NCALD: variants seen among roughly 807,000 people sequenced by gnomAD.
The protein encoded by NCALD is neurocalcin delta, also known as neurocalcin-delta.
In NCALD, 10 loss-of-function variants were observed where a neutral mutation model predicts 18.6. The observed-to-expected ratio is 0.54, with a 90% CI of 0.33 to 0.91. The LOEUF (loss-of-function observed/expected upper bound fraction) is 0.91, where lower values mean the gene tolerates loss of function less well. Ranked by LOEUF, NCALD falls within the 40% of genes least tolerant of loss-of-function variation. The pLI, the probability that NCALD is intolerant of heterozygous loss-of-function variation, is 0.03. For synonymous variants in NCALD, 88 were observed against 87.4 expected (o/e 1.01, Z -0.04); for missense variants, 184 against 247.6 (o/e 0.74, Z 1.72).
chr8:101,772,136 T>C (rs1461209171), intron 1 of NCALD, among the ~76,000 whole-genome samples: 2 of 152,104 alleles, frequency 1.3e-5, no homozygotes, highest in African/African-American at 4.8e-5. Flanking sequence ...ACTGTAGGAG[T>C]TGGGGATTCT....
chr8:101,761,935 T>A (rs982607116), intron 1 of NCALD, among the ~76,000 whole-genome samples: 6 of 152,158 alleles, frequency 3.9e-5, no homozygotes, highest in Non-Finnish European at 8.8e-5. Context: ...TAATCCAAAT[T>A]CCACTATCTG....
chr8:102,067,128 G>A (rs1019231778), intron 1 of NCALD, among the ~76,000 whole-genome samples: 2 of 152,136 alleles, frequency 1.3e-5, no homozygotes, highest in Non-Finnish European at 1.5e-5. Context: ...CTCCAATAGA[G>A]TCCCCCAAAC....
At chr8:101,918,740 C>CCACACACACACACA (rs34480976) in intron 2 of NCALD, among the ~76,000 whole-genome samples, 158 of 140,750 alleles carry the variant, frequency 1.1e-3, no homozygotes, top group Middle Eastern at 3.5e-3. Context: ...TTTACAATAG[C>CCACACACACACACA]CACACACACA....
chr8:101,957,531 A>G (rs1462584538), intron 2 of NCALD, among the ~76,000 whole-genome samples: 4 of 152,084 alleles, frequency 2.6e-5, no homozygotes, highest in Admixed American at 2.6e-4. Context: ...ATGAATCAGG[A>G]TGTGTCTTGG....
intron 1 of NCALD, among the ~76,000 whole-genome samples, chr8:102,090,869 G>T (rs539678506): frequency 6.6e-6 from 1 of 152,174 alleles, no homozygotes; most frequent in South Asian, 2.1e-4. Context: ...TTACCAAGGC[G>T]TTGTCTGGAA....
At position 102,049,751 on chromosome 8, in the gene NCALD, G is replaced by A. The variant is rs181874532; in HGVS notation, c.-209-29462C>T. Among the ~76,000 whole-genome samples the A allele has an allele frequency of 3.5e-3, 532 of 152,268 alleles. 6 individuals are homozygous for A. The highest frequency in any genetic ancestry group is 0.019 in the South Asian group (92 of 4,828). On this transcript the variant is annotated intron_variant, in intron 1 of 6. Transcript: ENST00000311028. ...TGTAGATGTGCAGTGGTATCTCATTGCTGTTTTAATCTACAGTCCCTAATG... is the reference window on the plus strand; with the variant it reads ...TGTAGATGTGCAGTGGTATCTCATTACTGTTTTAATCTACAGTCCCTAATG...
chr8:101,825,055 C>A (rs1233447625), intron 4 of NCALD, among the ~76,000 whole-genome samples: 1 of 152,232 alleles, frequency 6.6e-6, no homozygotes, highest in Non-Finnish European at 1.5e-5. Context: ...GATACCCCCA[C>A]AACTGACCCA....
chr8:102,083,886 G>A (rs1047568147), intron 1 of NCALD, among the ~76,000 whole-genome samples: 4 of 152,032 alleles, frequency 2.6e-5, no homozygotes, highest in Admixed American at 6.6e-5. Context: ...ACATTGTTAC[G>A]ACTATGATTC....
chr8:101,731,280 G>A (rs7815256), intron 1 of NCALD, among the ~76,000 whole-genome samples: 10,383 of 152,100 alleles, frequency 0.068, 740 homozygotes, highest in African/African-American at 0.17. Context: ...ATGACTATAG[G>A]GACTTTCAGC....
At chr8:101,942,124 A>G (rs1050611890) in intron 2 of NCALD, among the ~76,000 whole-genome samples, 1 of 152,208 alleles carries the variant, frequency 6.6e-6, no homozygotes, top group Admixed American at 6.5e-5. Context: ...ATTCATTTCC[A>G]ACACTGTATA....
chr8:101,772,140 G>A (rs1811609043), intron 1 of NCALD, among the ~76,000 whole-genome samples: 1 of 152,162 alleles, frequency 6.6e-6, no homozygotes, highest in African/African-American at 2.4e-5. Context: ...TAGGAGTTGG[G>A]GATTCTAATG....
At chr8:101,915,339 C>G (rs16868746) in intron 3 of NCALD, among the ~76,000 whole-genome samples, 1 of 152,180 alleles carries the variant, frequency 6.6e-6, no homozygotes. Context: ...TTCACCCACA[C>G]GTTCATTCTC....
chr8:101,998,662 G>T (rs1369195548), intron 2 of NCALD, among the ~76,000 whole-genome samples: 1 of 152,104 alleles, frequency 6.6e-6, no homozygotes, highest in Non-Finnish European at 1.5e-5. Context: ...GCCCAAGGAT[G>T]GCGATGGCTT....
chr8:101,839,090 C>T (rs1377668660), intron 4 of NCALD, among the ~76,000 whole-genome samples: 2 of 152,186 alleles, frequency 1.3e-5, no homozygotes, highest in Admixed American at 1.3e-4. Context: ...CAGAACCCAC[C>T]TGGGTACTCA....
chr8:102,072,485 T>C (rs1324397897), intron 1 of NCALD, among the ~76,000 whole-genome samples: 3 of 152,122 alleles, frequency 2.0e-5, no homozygotes, highest in African/African-American at 4.8e-5. Flanking sequence ...AATGACAGTA[T>C]CATCTGGCTA....
chr8:101,818,416 C>T (rs1290204471), intron 4 of NCALD, among the ~76,000 whole-genome samples: 4 of 152,112 alleles, frequency 2.6e-5, no homozygotes, highest in African/African-American at 4.8e-5. Flanking sequence ...TAGGAGAGCA[C>T]ACGGCACTCA....
intron 1 of NCALD, among the ~76,000 whole-genome samples, chr8:101,783,803 A>G (rs1033194424): frequency 1.3e-5 from 2 of 152,340 alleles, no homozygotes; most frequent in South Asian, 2.1e-4. Context: ...CAGCAACAGC[A>G]TTAACCTGTA....
chr8:102,065,010 CAAA>C (rs34548051), intron 1 of NCALD, among the ~76,000 whole-genome samples: 140 of 87,556 alleles, frequency 1.6e-3, no homozygotes, highest in Non-Finnish European at 2.2e-3. Context: ...CTCACTTTGG[CAAA>C]AAAAAAAAAA....
At chr8:101,763,772 CT>C (rs1359686134) in intron 1 of NCALD, among the ~76,000 whole-genome samples, 2 of 152,010 alleles carry the variant, frequency 1.3e-5, no homozygotes, top group Non-Finnish European at 2.9e-5. Context: ...ATGACATTGG[CT>C]TTTTTCTTGC....
Sources: gnomAD v4.1 joint callset for allele counts (sites outside exome capture counted in the v4.1 genomes callset) on GRCh38, gnomAD v4.1.1 for gene constraint, MANE v1.5 for transcripts, NCBI Gene and HGNC (gene_info 2026-07-23, HGNC 2026-07-21) for gene names.